Variants in EPHB2 observed in about 807,000 individuals in gnomAD.
EPHB2 encodes ephrin type-B receptor 2.
EPHB2 carries 18 observed loss-of-function variants against 96.4 expected under a neutral mutation model. That is an observed-to-expected ratio of 0.19 (90% confidence interval 0.13 to 0.28). The LOEUF (loss-of-function observed/expected upper bound fraction) is 0.28. Among genes scored for constraint, EPHB2 ranks in the 10% least tolerant of loss-of-function variants. The probability of loss-of-function intolerance (pLI) is 1.00; values close to 1 mark genes in which losing one functional copy is unlikely to be tolerated. For synonymous variants in EPHB2, 506 were observed against 534.1 expected, an observed-to-expected ratio of 0.95 and a Z score of 0.72; for missense variants, 989 against 1,355.4, an observed-to-expected ratio of 0.73 and a Z score of 4.25.
At chr1:22,842,150 A>C (rs1645478432) in intron 3 of EPHB2, among the ~76,000 whole-genome samples, 1 of 152,002 alleles carries the variant, frequency 6.6e-6, no homozygotes, top group Non-Finnish European at 1.5e-5. Context: ...CAGCGTGGCT[A>C]CAGACTCTGC....
At chr1:22,814,467 A>G (rs1366478461) in intron 3 of EPHB2, among the ~76,000 whole-genome samples, 1 of 151,990 alleles carries the variant, frequency 6.6e-6, no homozygotes, top group Non-Finnish European at 1.5e-5. Context: ...GATGCTGGAA[A>G]GTGGGGGGGT....
intron 1 of EPHB2, among the ~76,000 whole-genome samples, chr1:22,775,922 T>G (rs1339211986): frequency 6.6e-6 from 1 of 152,208 alleles, no homozygotes; most frequent in Non-Finnish European, 1.5e-5. Flanking sequence ...AGCCAAGGTC[T>G]GGGAACCGGA....
chr1:22,775,726 G>A (rs986825614), intron 1 of EPHB2, among the ~76,000 whole-genome samples: 1 of 152,256 alleles, frequency 6.6e-6, no homozygotes, highest in African/African-American at 2.4e-5. Context: ...CTCCAGGAAG[G>A]AGAGGGGGTG....
At position 22,742,127 on chromosome 1, in the gene EPHB2, T is replaced by C. The variant is rs79555118; in HGVS notation, c.61+31084T>C. Among the ~76,000 whole-genome samples, 1,264 of 152,266 alleles carry C rather than the reference T, an allele frequency of 8.3e-3. 22 individuals are homozygous for C. The highest frequency in any genetic ancestry group is 0.065 in the East Asian group (334 of 5,170). ...AGCATCCGACCCAGGCCCCTGCTCA[T>C]AGGGTCCATCCACATCATCCTCCTG... On this transcript the variant is annotated intron_variant, in intron 1 of 15. Transcript: ENST00000374630.
chr1:22,758,302 C>T (rs1644184297), intron 1 of EPHB2, among the ~76,000 whole-genome samples: 1 of 151,912 alleles, frequency 6.6e-6, no homozygotes, highest in African/African-American at 2.4e-5. Flanking sequence ...TGTCCAGGAC[C>T]CCAGCCTGAA....
intron 1 of EPHB2, chr1:22,775,126 T>G (rs1275089390): frequency 7.8e-6 from 6 of 770,142 alleles, no homozygotes; most frequent in Non-Finnish European, 9.7e-6. Flanking sequence ...CTGATGACTT[T>G]GTTGTTTTGT....
At chr1:22,799,911 C>G (rs1644818421) in intron 3 of EPHB2, among the ~76,000 whole-genome samples, 1 of 152,214 alleles carries the variant, frequency 6.6e-6, no homozygotes, top group Non-Finnish European at 1.5e-5. Context: ...TCTAGGAAAC[C>G]AGCCTCAAGT....
At chr1:22,741,696 A>AAAAAAAAAAAC (rs55743842) in intron 1 of EPHB2, among the ~76,000 whole-genome samples, 31 of 137,368 alleles carry the variant, frequency 2.3e-4, no homozygotes, top group South Asian at 7.2e-4. Context: ...AAACAAAAAA[A>AAAAAAAAAAAC]CAAAAAACCT....
At chr1:22,834,418 A>G (rs557692979) in intron 3 of EPHB2, among the ~76,000 whole-genome samples, 1 of 152,354 alleles carries the variant, frequency 6.6e-6, no homozygotes, top group South Asian at 2.1e-4. Context: ...GACGATTAAA[A>G]TACCTTGTCT....
chr1:22,868,801 A>G (rs1441350864), intron 5 of EPHB2, among the ~76,000 whole-genome samples: 2 of 152,180 alleles, frequency 1.3e-5, no homozygotes, highest in Non-Finnish European at 2.9e-5. Context: ...CAGAAAAGGA[A>G]GAACTGGGGT....
intron 3 of EPHB2, among the ~76,000 whole-genome samples, chr1:22,862,311 G>T (rs112263525): frequency 6.6e-5 from 10 of 152,334 alleles, no homozygotes; most frequent in African/African-American, 1.7e-4. Context: ...CTGCAGGCCC[G>T]CCTTTTATTA....
intron 5 of EPHB2, among the ~76,000 whole-genome samples, chr1:22,876,917 C>A (rs1638856268): frequency 1.3e-5 from 2 of 152,204 alleles, no homozygotes; most frequent in South Asian, 4.1e-4. Flanking sequence ...GGTTAGCTGC[C>A]TGTAACCCAA....
chr1:22,906,229 A>G lies in EPHB2; in HGVS notation c.1888+120A>G. On this transcript the variant is annotated intron_variant, in intron 10 of 15. Transcript: ENST00000374630. This position sits in a 1 kb window ranked among gnomAD's most constrained non-coding sequence, Gnocchi z 4.8. ...GACAGGCGCCTCAAAGGACCCCCCA[A>G]GGCCTGAAGGTTCAGAATGACCATG... The G allele has an allele frequency of 6.8e-7, 1 of 1,473,032 alleles. No individual in the cohort carries two copies. Among genetic ancestry groups the G allele is most frequent in the Non-Finnish European group, 9.3e-7 (1 of 1,075,680 alleles). 91.2% of individuals were successfully genotyped at this position (1,473,032 alleles called of 1,614,324 possible).
At chr1:22,803,556 T>C (rs372371130) in intron 3 of EPHB2, among the ~76,000 whole-genome samples, 236 of 149,126 alleles carry the variant, frequency 1.6e-3, no homozygotes, top group African/African-American at 5.3e-3. Context: ...CCGTGAGCCA[T>C]GATCTCACCA....
intron 3 of EPHB2, among the ~76,000 whole-genome samples, chr1:22,853,214 G>A (rs1297000362): frequency 1.2e-4 from 18 of 152,250 alleles, no homozygotes. Context: ...TTAGCCGGGT[G>A]TGGTGGCGGA....
intron 3 of EPHB2, among the ~76,000 whole-genome samples, chr1:22,803,924 A>T (rs927099271): frequency 6.6e-6 from 1 of 151,918 alleles, no homozygotes; most frequent in African/African-American, 2.4e-5. Context: ...AAGAGAAAAA[A>T]AAAAAGTGTT....
Position 22,913,256 on chromosome 1 carries a change from G to A in EPHB2, c.2853-206G>A, listed in dbSNP as rs1640166926. 3 of 640,466 alleles carry A rather than the reference G, an allele frequency of 4.7e-6. No individual in the cohort carries two copies. The highest frequency in any genetic ancestry group is 3.7e-5 in the South Asian group (2 of 53,730). 39.7% of individuals were successfully genotyped at this position (640,466 alleles called of 1,614,324 possible). A position where few individuals can be genotyped will look rare whatever the true frequency, so the allele number is the denominator to read the frequency against. On this transcript the variant is annotated intron_variant, in intron 15 of 15. Transcript: ENST00000374630. The surrounding 1 kb of genome is among the most constrained non-coding windows in gnomAD (Gnocchi z 4.1). ...ATAGCAGGGGAGAGAAGGCCCCCTAGGGACCCTGATTCCGACTCAAGTGCT... is the reference window on the plus strand; with the variant it reads ...ATAGCAGGGGAGAGAAGGCCCCCTAAGGACCCTGATTCCGACTCAAGTGCT...
intron 1 of EPHB2, among the ~76,000 whole-genome samples, chr1:22,780,809 C>G (rs2148418355): frequency 6.6e-6 from 1 of 152,248 alleles, no homozygotes; most frequent in South Asian, 2.1e-4. Context: ...ACTAGACTGG[C>G]CTAGAGGTAG....
intron 1 of EPHB2, among the ~76,000 whole-genome samples, chr1:22,715,854 G>T (rs1305160853): frequency 6.6e-6 from 1 of 152,144 alleles, no homozygotes; most frequent in East Asian, 1.9e-4. Flanking sequence ...TGTGTGCTCT[G>T]GGGCGAGGAG....
Sources: allele counts gnomAD v4.1 joint callset (sites outside exome capture counted in the v4.1 genomes callset), GRCh38; gene constraint gnomAD v4.1.1; non-coding constraint Gnocchi (gnomAD v3.1); transcripts MANE v1.5; gene names NCBI Gene and HGNC (gene_info 2026-07-23, HGNC 2026-07-21).